Variants in RPS6KA6 observed in about 807,000 individuals in gnomAD.
RPS6KA6 encodes ribosomal protein S6 kinase alpha-6.
Under a neutral mutation model 65.4 loss-of-function variants are expected in RPS6KA6, and 27 were observed. The ratio of observed to expected loss-of-function variants is 0.41; its 90% CI spans 0.30 to 0.57. RPS6KA6 has a LOEUF of 0.57. Ranked by LOEUF, RPS6KA6 falls within the 20% of genes least tolerant of loss-of-function variation. The pLI is 0.24. For missense variants in RPS6KA6, 486 were observed against 555.6 expected (o/e 0.87, Z 1.26); for synonymous variants, 190 against 184.2 (o/e 1.03, Z -0.26).
At chrX:84,097,116 T>C (rs1222661962) in intron 19 of RPS6KA6, among the ~76,000 whole-genome samples, 1 of 111,400 alleles carries the variant, frequency 9.0e-6, no homozygotes, top group Admixed American at 9.6e-5. Context: ...AAGTACATTA[T>C]AATTACTTGC....
chrX:84,170,165 T>TAAAAAA (rs746518015), intron 1 of RPS6KA6, among the ~76,000 whole-genome samples: 2 of 55,338 alleles, frequency 3.6e-5, no homozygotes, highest in East Asian at 5.3e-4. Flanking sequence ...AGACTCCTTC[T>TAAAAAA]AAAAAAAAAA....
intron 20 of RPS6KA6, among the ~76,000 whole-genome samples, chrX:84,072,068 G>A (rs762174649): frequency 9.0e-6 from 1 of 111,666 alleles, no homozygotes; most frequent in African/African-American, 3.3e-5. Context: ...CAAACTCATT[G>A]TATGAAGCCA....
chrX:84,065,207 T>C, intron 20 of RPS6KA6, 96 bp from the exon 21 acceptor site: 2 of 543,823 alleles, frequency 3.7e-6, no homozygotes, highest in Non-Finnish European at 5.7e-6. Flanking sequence ...AGCCTTGCAA[T>C]CTGTTTATTT....
At chrX:84,180,616 T>C (rs2035837262) in intron 1 of RPS6KA6, among the ~76,000 whole-genome samples, 1 of 111,983 alleles carries the variant, frequency 8.9e-6, no homozygotes, top group African/African-American at 3.2e-5. Context: ...CTAGGTCTTG[T>C]ACTTTTACAT....
intron 20 of RPS6KA6, among the ~76,000 whole-genome samples, chrX:84,070,904 G>A (rs191332916): frequency 1.7e-3 from 182 of 109,068 alleles, no homozygotes; most frequent in African/African-American, 5.7e-3. Context: ...CTATCTGCCC[G>A]AAACAACCAA....
intron 8 of RPS6KA6, among the ~76,000 whole-genome samples, chrX:84,132,319 C>T (rs1361086850): frequency 9.1e-6 from 1 of 110,170 alleles, no homozygotes; most frequent in Non-Finnish European, 1.9e-5. Flanking sequence ...ACCCAGAAGG[C>T]TGGGGTGGGA....
intron 20 of RPS6KA6, among the ~76,000 whole-genome samples, chrX:84,075,213 CAG>C (rs1473787850): frequency 9.1e-6 from 1 of 110,381 alleles, no homozygotes; most frequent in African/African-American, 3.3e-5. Context: ...GCCTGGGAGA[CAG>C]AGCGAGACTC....
At chrX:84,120,847 A>G (rs1397982128) in intron 8 of RPS6KA6, among the ~76,000 whole-genome samples, 3 of 111,938 alleles carry the variant, frequency 2.7e-5, no homozygotes, top group African/African-American at 9.7e-5. Context: ...AAAATAAAAT[A>G]GTCCAAACAA....
chrX:84,065,775 T>A (rs779694667), intron 20 of RPS6KA6, among the ~76,000 whole-genome samples: 1 of 112,383 alleles, frequency 8.9e-6, no homozygotes, highest in Admixed American at 9.4e-5. Context: ...CTCCCAAGTA[T>A]CTTTTAGAGA....
intron 8 of RPS6KA6, among the ~76,000 whole-genome samples, chrX:84,133,238 C>T (rs984203878): frequency 1.3e-4 from 15 of 111,560 alleles, no homozygotes; most frequent in African/African-American, 3.3e-5. Context: ...ATACTTTAAC[C>T]AACCTCATTG....
intron 1 of RPS6KA6, among the ~76,000 whole-genome samples, chrX:84,184,555 T>C (rs1412688622): frequency 9.0e-6 from 1 of 111,610 alleles, no homozygotes. Context: ...GAGTATGGCA[T>C]GGAGCTCGGA....
chrX:84,080,527 T>C (rs918811997), intron 20 of RPS6KA6, among the ~76,000 whole-genome samples: 6 of 93,133 alleles, frequency 6.4e-5, no homozygotes, highest in Non-Finnish European at 1.3e-4. Flanking sequence ...CACACAATAA[T>C]AGTGGGAGAC....
intron 20 of RPS6KA6, among the ~76,000 whole-genome samples, chrX:84,092,812 C>T (rs1434762157): frequency 9.0e-6 from 1 of 111,521 alleles, no homozygotes; most frequent in Non-Finnish European, 1.9e-5. Flanking sequence ...CCATATTATC[C>T]AGCAATCCCA....
chrX:84,093,471 G>A (rs1255984213), intron 20 of RPS6KA6, among the ~76,000 whole-genome samples: 2 of 111,861 alleles, frequency 1.8e-5, no homozygotes, highest in Non-Finnish European at 3.8e-5. Flanking sequence ...AAAGTCACCC[G>A]ATCCATAAAA....
At chrX:84,154,268 G>A (rs1402197763) in intron 3 of RPS6KA6, among the ~76,000 whole-genome samples, 9 of 111,054 alleles carry the variant, frequency 8.1e-5, no homozygotes, top group African/African-American at 1.3e-4. Context: ...TTCCTGCTCT[G>A]AGCTTTCTGT....
intron 20 of RPS6KA6, among the ~76,000 whole-genome samples, chrX:84,091,036 C>T (rs191564179): frequency 8.1e-4 from 91 of 111,900 alleles, no homozygotes; most frequent in Middle Eastern, 4.6e-3. Context: ...TCAGTTCCAA[C>T]TCTGCCACTC....
intron 20 of RPS6KA6, among the ~76,000 whole-genome samples, chrX:84,087,811 G>A (rs750354177): frequency 7.9e-4 from 88 of 111,612 alleles, no homozygotes; most frequent in African/African-American, 2.9e-3. Flanking sequence ...TGGAGGCTTG[G>A]TCTTTTTACA....
At chrX:84,182,681 A>G (rs932187392) in intron 1 of RPS6KA6, among the ~76,000 whole-genome samples, 1 of 111,980 alleles carries the variant, frequency 8.9e-6, no homozygotes, top group Non-Finnish European at 1.9e-5. Flanking sequence ...ACTGACCTGA[A>G]TATTTCCAGA....
At chrX:84,168,100 G>A (rs1485443125) in intron 1 of RPS6KA6, among the ~76,000 whole-genome samples, 2 of 110,995 alleles carry the variant, frequency 1.8e-5, no homozygotes, top group Admixed American at 9.6e-5. Flanking sequence ...GCATGTCACA[G>A]GTGACCACTC....
Sources: allele counts gnomAD v4.1 joint callset (sites outside exome capture counted in the v4.1 genomes callset), GRCh38; gene constraint gnomAD v4.1.1; transcripts MANE v1.5; gene names NCBI Gene and HGNC (gene_info 2026-07-23, HGNC 2026-07-21).